Variants in USP12 observed in about 807,000 individuals in gnomAD.
The protein encoded by USP12 is ubiquitin carboxyl-terminal hydrolase 12.
Under a neutral mutation model 45.5 loss-of-function variants are expected in USP12, and 19 were observed. The observed-to-expected ratio is 0.42, with a 90% CI of 0.29 to 0.61. The LOEUF is 0.61. Ranked by LOEUF, USP12 falls within the 20% of genes least tolerant of loss-of-function variation. The pLI, the probability that USP12 is intolerant of heterozygous loss-of-function variation, is 0.22. For missense variants in USP12, 242 were observed against 447.7 expected (o/e 0.54, Z 4.15); for synonymous variants, 149 against 148.8 (o/e 1.00, Z -0.01).
Position 27,171,697 on chromosome 13 carries a change from G to A in USP12, c.-58C>T, listed in dbSNP as rs1232299690. The A allele has an allele frequency of 8.2e-6, 9 of 1,101,794 alleles. No homozygotes were observed. Among genetic ancestry groups the A allele is most frequent in the Non-Finnish European group, 8.1e-6 (7 of 865,668 alleles). The allele number at this position is 1,101,794 out of a possible 1,614,324, so 68.3% of individuals were successfully genotyped here. On this transcript the variant is annotated 5_prime_UTR_variant, in exon 1 of 9. Coordinates refer to ENST00000282344, the MANE Select transcript of USP12 (RefSeq NM_182488.4). ...GGCGGCGGCGGGCGGGGGAGGAGGG[G>A]AGCCGGGCCGCCCGCTCGCACCGCA...
intron 1 of USP12, among the ~76,000 whole-genome samples, chr13:27,127,744 T>G (rs544305579): frequency 6.6e-6 from 1 of 152,212 alleles, no homozygotes; most frequent in African/African-American, 2.4e-5. Context: ...GAAGCACATA[T>G]GTAACATATT....
intron 6 of USP12, among the ~76,000 whole-genome samples, chr13:27,080,311 C>T (rs924675676): frequency 4.6e-5 from 7 of 152,160 alleles, no homozygotes; most frequent in Non-Finnish European, 1.0e-4. Flanking sequence ...TGACATGATA[C>T]TACACAAGTT....
chr13:27,165,926 A>T (rs974172411), intron 1 of USP12, among the ~76,000 whole-genome samples: 7 of 152,024 alleles, frequency 4.6e-5, no homozygotes, highest in South Asian at 4.1e-4. Context: ...AGAGCAAAAA[A>T]AATAATAATA....
intron 1 of USP12, among the ~76,000 whole-genome samples, chr13:27,170,539 G>A (rs1187112561): frequency 6.6e-6 from 1 of 152,212 alleles, no homozygotes; most frequent in Non-Finnish European, 1.5e-5. Context: ...AAGCTCATGA[G>A]GAACTAATGA....
chr13:27,103,610 T>A (rs28412752), intron 3 of USP12, among the ~76,000 whole-genome samples: 4,537 of 66,078 alleles, frequency 0.069, 88 homozygotes, highest in Non-Finnish European at 0.086. Flanking sequence ...AAAAAAAAAA[T>A]AATAATAATA....
intron 6 of USP12, among the ~76,000 whole-genome samples, chr13:27,086,191 A>T (rs868562080): frequency 0.39 from 26,835 of 69,662 alleles, 5,448 homozygotes; most frequent in East Asian, 0.55. Flanking sequence ...AAAAAAAAAA[A>T]AAAAAAATAT....
chr13:27,125,950 CA>C (rs960354408), intron 1 of USP12, among the ~76,000 whole-genome samples: 14 of 152,264 alleles, frequency 9.2e-5, no homozygotes, highest in Admixed American at 9.2e-4. Flanking sequence ...TCTGTGCTTA[CA>C]GCATAAAGCA....
intron 1 of USP12, among the ~76,000 whole-genome samples, chr13:27,149,349 CTTGTT>C (rs1457347460): frequency 6.6e-6 from 1 of 152,196 alleles, no homozygotes; most frequent in Non-Finnish European, 1.5e-5. Flanking sequence ...AAAATTCCCT[CTTGTT>C]AACTTCTACT....
intron 2 of USP12, among the ~76,000 whole-genome samples, chr13:27,110,309 A>C (rs1382682109): frequency 6.6e-6 from 1 of 152,178 alleles, no homozygotes; most frequent in Non-Finnish European, 1.5e-5. Context: ...CAATCATTGC[A>C]AATAAAGGAC....
intron 4 of USP12, among the ~76,000 whole-genome samples, chr13:27,091,731 T>C (rs759398642): frequency 2.0e-5 from 3 of 152,144 alleles, no homozygotes; most frequent in Non-Finnish European, 2.9e-5. Flanking sequence ...AATGAAACCC[T>C]GGGGAACACC....
In USP12 at chr13:27,170,349, A is replaced by G. The variant is rs1462780172; in HGVS notation, c.48+1243T>C. 3 of 398,624 alleles carry G rather than the reference A, an allele frequency of 7.5e-6. No individual in the cohort carries two copies. In the South Asian group the frequency reaches 3.8e-4, roughly 51 times the overall value. The allele number at this position is 398,624 out of a possible 1,614,324, so 24.7% of individuals were successfully genotyped here. Reference sequence around the variant, plus strand: ...CCACTCCTTAAAGAAAAATATATACAATGTACCACCCTTAGATGGAAAATT... The same window carrying G: ...CCACTCCTTAAAGAAAAATATATACGATGTACCACCCTTAGATGGAAAATT... On this transcript the variant is annotated intron_variant, in intron 1 of 8. Transcript: ENST00000282344.
Position 27,075,176 on chromosome 13 carries a change from C to G in USP12, c.932+15G>C. On this transcript the variant is annotated intron_variant, in intron 7 of 8. Coordinates refer to ENST00000282344, the MANE Select transcript of USP12 (RefSeq NM_182488.4). ...CCTAGGAATTCCACTACTATGTCCC[C>G]GGAGTTGCAATTACCTTCCACAGTG... is the stretch of plus-strand genomic sequence containing the variant. 2.5e-6 allele frequency: 4 copies of G among 1,613,536 alleles called. No homozygotes were observed. Among genetic ancestry groups the G allele is most frequent in the Non-Finnish European group, 3.4e-6 (4 of 1,179,608 alleles).
chr13:27,138,957 A>G (rs1407680632), intron 1 of USP12, among the ~76,000 whole-genome samples: 1 of 152,186 alleles, frequency 6.6e-6, no homozygotes, highest in East Asian at 1.9e-4. Context: ...CCAAGGTGTC[A>G]CAGTTTCAAC....
intron 3 of USP12, among the ~76,000 whole-genome samples, chr13:27,102,715 T>C (rs1874928889): frequency 6.6e-6 from 1 of 152,230 alleles, no homozygotes; most frequent in South Asian, 2.1e-4. Flanking sequence ...TCATCCTCTG[T>C]CCCCTTTCCC....
intron 2 of USP12, among the ~76,000 whole-genome samples, chr13:27,111,026 G>A (rs1032294906): frequency 2.6e-5 from 4 of 152,180 alleles, no homozygotes; most frequent in Admixed American, 2.6e-4. Flanking sequence ...TCTCTATTTT[G>A]TAGACTACTG....
chr13:27,171,653 T>C lies in USP12; in HGVS notation c.-14A>G, dbSNP rs764691795. On this transcript the variant is annotated 5_prime_UTR_variant, in exon 1 of 9. The change abolishes an upstream ATG in the 5' untranslated region. Transcript: ENST00000282344. ...TAGGATTTCCATCCGGCCAGCGCCATCTTCCACCCAATCACAGCGGCGGCG... is the reference window on the plus strand; with the variant it reads ...TAGGATTTCCATCCGGCCAGCGCCACCTTCCACCCAATCACAGCGGCGGCG... 2.4e-6 allele frequency: 3 copies of C among 1,268,728 alleles called. No homozygotes were observed. The highest frequency in any genetic ancestry group is 6.1e-5 in the East Asian group (1 of 16,514). The allele number at this position is 1,268,728 out of a possible 1,614,324, so 78.6% of individuals were successfully genotyped here. A position where few individuals can be genotyped will look rare whatever the true frequency, so the allele number is the denominator to read the frequency against.
chr13:27,144,006 C>A lies in USP12; in HGVS notation c.49-27410G>T, dbSNP rs190005939. On this transcript the variant is annotated intron_variant, in intron 1 of 8. Transcript: ENST00000282344. ...ATCACTTGAGGTCAGGAGTTCGAGACCAGCCTGGGCAACATGGGGAAACCC... is the reference window on the plus strand; with the variant it reads ...ATCACTTGAGGTCAGGAGTTCGAGAACAGCCTGGGCAACATGGGGAAACCC... 1.1e-4 allele frequency among the ~76,000 whole-genome samples: 17 copies of A among 152,256 alleles called. No homozygotes were observed. The East Asian group carries it at 1.7e-3, about 16-fold the overall frequency.
intron 1 of USP12, among the ~76,000 whole-genome samples, chr13:27,122,422 T>C (rs537398765): frequency 1.6e-4 from 25 of 152,294 alleles, no homozygotes; most frequent in African/African-American, 4.6e-4. Flanking sequence ...AAAACTCTTT[T>C]TCTTCACGGT....
Position 27,071,164 on chromosome 13 carries a change from G to A in USP12, c.933-15C>T, listed in dbSNP as rs924096959. ...GATTGGGACCACTAAAACAAACGAAGAAGAAGTTAATTCAATATATTTATT... is the reference window on the plus strand; with the variant it reads ...GATTGGGACCACTAAAACAAACGAAAAAGAAGTTAATTCAATATATTTATT... On this transcript the variant is annotated splice_polypyrimidine_tract_variant and intron_variant, in intron 7 of 8. Transcript: ENST00000282344. 1 of 1,581,162 alleles carries A rather than the reference G, an allele frequency of 6.3e-7. No individual in the cohort carries two copies. Among genetic ancestry groups the A allele is most frequent in the Non-Finnish European group, 8.6e-7 (1 of 1,166,730 alleles).
Sources: allele counts gnomAD v4.1 joint callset (sites outside exome capture counted in the v4.1 genomes callset), GRCh38; gene constraint gnomAD v4.1.1; transcripts MANE v1.5; gene names NCBI Gene and HGNC (gene_info 2026-07-23, HGNC 2026-07-21).